The following CDYL variants were observed in gnomAD, a reference collection of about 807,000 sequenced individuals.
CDYL encodes the protein chromodomain Y-like protein.
A neutral mutation model predicts 47.3 loss-of-function variants in CDYL; 8 were observed. The observed-to-expected ratio is 0.17, with a 90% confidence interval of 0.10 to 0.31. The LOEUF (loss-of-function observed/expected upper bound fraction) is 0.31, where lower values mean the gene tolerates loss of function less well. Ranked by LOEUF, CDYL falls within the 10% of genes least tolerant of loss-of-function variation. CDYL has a pLI of 1.00. For synonymous variants in CDYL, 266 were observed against 265.0 expected, an observed-to-expected ratio of 1.00 and a Z score of -0.04; for missense variants, 471 against 701.4, an observed-to-expected ratio of 0.67 and a Z score of 3.71.
intron 1 of CDYL, among the ~76,000 whole-genome samples, chr6:4,856,761 G>T (rs1761020614): frequency 6.6e-6 from 1 of 152,226 alleles, no homozygotes; most frequent in Non-Finnish European, 1.5e-5. Context: ...GGAACTTCAG[G>T]ATCTCAACTT....
At chr6:4,884,163 G>A (rs1370449841) in intron 1 of CDYL, among the ~76,000 whole-genome samples, 1 of 152,202 alleles carries the variant, frequency 6.6e-6, no homozygotes, top group East Asian at 1.9e-4. Context: ...GACACAGTTC[G>A]TGCAATTGCT....
Position 4,953,951 on chromosome 6 carries a change from G to A in CDYL, c.1530G>A (p.Glu510=). The A allele has an allele frequency of 6.2e-7, 1 of 1,614,168 alleles. No individual in the cohort carries two copies. The highest frequency in any genetic ancestry group is 8.5e-7 in the Non-Finnish European group (1 of 1,180,026). ...LVRCNMKMEL[E]QANERECEVL... ...GCTGCAACATGAAGATGGAGCTGGA[G>A]CAGGCCAACGAGAGGGAGTGTGAGG... The change falls in exon 7 of 7, where the codon GAG becomes GAA. Residue 510 remains glutamate (E), a synonymous_variant. Transcript: ENST00000397588.
At chr6:4,878,392 TTG>T (rs1231274708) in intron 1 of CDYL, among the ~76,000 whole-genome samples, 4 of 151,630 alleles carry the variant, frequency 2.6e-5, no homozygotes, top group Non-Finnish European at 4.4e-5. Flanking sequence ...TGGGAGAAAT[TTG>T]TGTGTGTGTA....
chr6:4,892,411 G>A, intron 2 of CDYL, 32 bp downstream of exon 2: 1 of 1,560,722 alleles, frequency 6.4e-7, no homozygotes, highest in Non-Finnish European at 8.7e-7. Flanking sequence ...CAGGCTCCGT[G>A]GTGATCCCAG....
intron 1 of CDYL, among the ~76,000 whole-genome samples, chr6:4,835,816 G>A (rs1336681862): frequency 6.6e-6 from 1 of 152,188 alleles, no homozygotes; most frequent in Non-Finnish European, 1.5e-5. Flanking sequence ...TTGCCGCCTT[G>A]CAGTTTGATC....
intron 3 of CDYL, among the ~76,000 whole-genome samples, chr6:4,766,441 C>A (rs1758252896): frequency 6.6e-6 from 1 of 151,968 alleles, no homozygotes; most frequent in African/African-American, 2.4e-5. Flanking sequence ...GATCTCCCGA[C>A]CTCAGGTGAT....
intron 2 of CDYL, among the ~76,000 whole-genome samples, chr6:4,900,656 A>G (rs1292791087): frequency 1.3e-5 from 2 of 150,948 alleles, no homozygotes; most frequent in Non-Finnish European, 3.0e-5. Context: ...ATTTTAATCT[A>G]TTTTTCAGTG....
intron 1 of CDYL, among the ~76,000 whole-genome samples, chr6:4,821,717 T>C (rs1759843790): frequency 6.7e-6 from 1 of 150,158 alleles, no homozygotes; most frequent in African/African-American, 2.5e-5. Context: ...GCCTGGGCTC[T>C]AGAGCAAGAC....
chr6:4,779,351 C>G (rs1205199236), intron 1 of CDYL, among the ~76,000 whole-genome samples: 1 of 152,150 alleles, frequency 6.6e-6, no homozygotes. Context: ...AATGTGAAGT[C>G]TTGCTTCTTT....
chr6:4,885,455 A>G (rs1761875780), intron 1 of CDYL, among the ~76,000 whole-genome samples: 1 of 152,160 alleles, frequency 6.6e-6, no homozygotes, highest in African/African-American at 2.4e-5. Context: ...CAGTTATCAG[A>G]TGGATCAGAG....
At chr6:4,795,556 T>C (rs1759047461) in intron 1 of CDYL, among the ~76,000 whole-genome samples, 2 of 152,186 alleles carry the variant, frequency 1.3e-5, no homozygotes, top group Non-Finnish European at 2.9e-5. Flanking sequence ...AATTTGATCT[T>C]ATTGATTTAT....
At chr6:4,785,848 G>A (rs976719522) in intron 1 of CDYL, among the ~76,000 whole-genome samples, 7 of 152,162 alleles carry the variant, frequency 4.6e-5, no homozygotes, top group East Asian at 1.9e-4. Flanking sequence ...GTGAATTGAC[G>A]TTAATAAGTT....
chr6:4,953,389 A>G (rs1273307002), intron 6 of CDYL, among the ~76,000 whole-genome samples: 1 of 152,142 alleles, frequency 6.6e-6, no homozygotes, highest in African/African-American at 2.4e-5. Context: ...GTGTCAAAAA[A>G]AAAACCACAA....
chr6:4,949,978 T>C (rs1331762315), intron 5 of CDYL, among the ~76,000 whole-genome samples: 2 of 151,950 alleles, frequency 1.3e-5, no homozygotes, highest in Admixed American at 6.6e-5. Flanking sequence ...ACACCGAAGG[T>C]AGGGAAAGGA....
chr6:4,813,944 T>C (rs2127445437), intron 1 of CDYL, among the ~76,000 whole-genome samples: 1 of 151,610 alleles, frequency 6.6e-6, no homozygotes, highest in East Asian at 1.9e-4. Context: ...TAATTTTTTT[T>C]TTTTTTTTTT....
At chr6:4,721,857 T>G (rs1043119434) in intron 2 of CDYL, among the ~76,000 whole-genome samples, 1 of 151,952 alleles carries the variant, frequency 6.6e-6, no homozygotes, top group Non-Finnish European at 1.5e-5. Context: ...ATTAAGAATT[T>G]TTGTTTTTTG....
chr6:4,929,415 A>G (rs1256621234), intron 2 of CDYL, among the ~76,000 whole-genome samples: 3 of 150,972 alleles, frequency 2.0e-5, no homozygotes, highest in African/African-American at 7.3e-5. Flanking sequence ...GTATTTTTTA[A>G]GCTTCTTGAA....
intron 2 of CDYL, among the ~76,000 whole-genome samples, chr6:4,914,241 G>A (rs1230378289): frequency 1.4e-5 from 2 of 147,974 alleles, no homozygotes; most frequent in Non-Finnish European, 3.0e-5. Flanking sequence ...CCTTCCTTTG[G>A]CACTAGTAGA....
intron 1 of CDYL, among the ~76,000 whole-genome samples, chr6:4,780,829 C>A (rs1758599089): frequency 6.6e-6 from 1 of 152,206 alleles, no homozygotes; most frequent in African/African-American, 2.4e-5. Context: ...CTGATTATAT[C>A]ACCAGAGAAA....
Sources: gnomAD v4.1 joint callset for allele counts (sites outside exome capture counted in the v4.1 genomes callset) on GRCh38, gnomAD v4.1.1 for gene constraint, MANE v1.5 for transcripts, NCBI Gene and HGNC (gene_info 2026-07-23, HGNC 2026-07-21) for gene names.